SEMA5A: variants seen among roughly 807,000 people sequenced by gnomAD.
SEMA5A encodes the protein semaphorin 5A, also known as semaphorin-5A.
Under a neutral mutation model 135.5 loss-of-function variants are expected in SEMA5A, and 55 were observed. The ratio of observed to expected loss-of-function variants is 0.41; its 90% CI spans 0.33 to 0.51. The LOEUF (loss-of-function observed/expected upper bound fraction) is 0.51, where lower values mean the gene tolerates loss of function less well. Among genes scored for constraint, SEMA5A ranks in the 20% least tolerant of loss-of-function variants. SEMA5A has a pLI of 0.37. For synonymous variants in SEMA5A, 580 were observed against 546.5 expected (o/e 1.06, Z -0.85); for missense variants, 1,290 against 1,419.9 (o/e 0.91, Z 1.47).
chr5:9,300,455 A>G (rs1302481813), intron 5 of SEMA5A, among the ~76,000 whole-genome samples: 1 of 152,224 alleles, frequency 6.6e-6, no homozygotes, highest in Non-Finnish European at 1.5e-5. Flanking sequence ...AAAAGAGGAT[A>G]GTAATTTGGA....
rs564913789 is a variant in SEMA5A, at chr5:9,172,513, A to G, written c.1273+17754T>C. ...ACAATTAATCTTGGTGATCACTTCA[A>G]TACTAAAAATCATAACTTTTTTAAC... On this transcript the variant is annotated intron_variant, in intron 11 of 22. Transcript: ENST00000382496. Among the ~76,000 whole-genome samples, 8 of 152,346 alleles carry G rather than the reference A, an allele frequency of 5.3e-5. No homozygotes were observed. The South Asian group carries it at 1.7e-3, about 32-fold the overall frequency.
At chr5:9,469,518 T>G (rs1420280003) in intron 1 of SEMA5A, among the ~76,000 whole-genome samples, 1 of 152,116 alleles carries the variant, frequency 6.6e-6, no homozygotes, top group Non-Finnish European at 1.5e-5. Context: ...AAGCAAGGTG[T>G]CCCCATTTCA....
At chr5:9,394,157 T>G (rs1756286767) in intron 2 of SEMA5A, among the ~76,000 whole-genome samples, 1 of 152,078 alleles carries the variant, frequency 6.6e-6, no homozygotes, top group East Asian at 1.9e-4. Flanking sequence ...ACAGAGGTAT[T>G]CCCCAGGATC....
intron 1 of SEMA5A, among the ~76,000 whole-genome samples, chr5:9,522,416 C>T (rs1736886179): frequency 5.9e-5 from 9 of 152,042 alleles, no homozygotes. Context: ...AACCCTGTCT[C>T]TACTAAAAAT....
At position 9,039,449 on chromosome 5, in the gene SEMA5A, A is replaced by C. The variant is rs1165902782; in HGVS notation, c.*3448T>G. The C allele has an allele frequency of 6.6e-6, 1 of 152,188 alleles. No homozygotes were observed. The highest frequency in any genetic ancestry group is 2.4e-5 in the African/African-American group (1 of 41,420). 9.4% of individuals were successfully genotyped at this position (152,188 alleles called of 1,614,324 possible). A position where few individuals can be genotyped will look rare whatever the true frequency, so the allele number is the denominator to read the frequency against. ...GTTTCTCCCCAGCAGGGATGCCCTC[A>C]CCCTCATTCAATGTTTATCGTCTCT... is the stretch of plus-strand genomic sequence containing the variant. On this transcript the variant is annotated 3_prime_UTR_variant, in exon 23 of 23. Transcript: ENST00000382496.
intron 3 of SEMA5A, among the ~76,000 whole-genome samples, chr5:9,372,823 G>A (rs1427309016): frequency 4.6e-5 from 7 of 152,244 alleles, no homozygotes; most frequent in African/African-American, 9.6e-5. Context: ...GCCTAGCACA[G>A]AAACATCTCC....
At chr5:9,288,183 A>G (rs1750892712) in intron 5 of SEMA5A, among the ~76,000 whole-genome samples, 1 of 152,260 alleles carries the variant, frequency 6.6e-6, no homozygotes, top group Non-Finnish European at 1.5e-5. Flanking sequence ...CACATAAGAT[A>G]ATTTGAAGAA....
At chr5:9,363,816 G>T (rs1173481168) in intron 3 of SEMA5A, among the ~76,000 whole-genome samples, 1 of 152,186 alleles carries the variant, frequency 6.6e-6, no homozygotes. Flanking sequence ...AGGGTCAGTT[G>T]CTCAGTTGTA....
chr5:9,070,625 A>C (rs1428243280), intron 16 of SEMA5A, among the ~76,000 whole-genome samples: 1 of 152,214 alleles, frequency 6.6e-6, no homozygotes, highest in African/African-American at 2.4e-5. Flanking sequence ...AAGTGTCTGC[A>C]TTGGCATCTG....
intron 5 of SEMA5A, among the ~76,000 whole-genome samples, chr5:9,286,279 G>C (rs1242947209): frequency 2.0e-5 from 3 of 152,038 alleles, no homozygotes; most frequent in Non-Finnish European, 4.4e-5. Flanking sequence ...ATATATAGTT[G>C]GGTTACTTTT....
chr5:9,105,883 T>C (rs992116195), intron 16 of SEMA5A, among the ~76,000 whole-genome samples: 1 of 152,232 alleles, frequency 6.6e-6, no homozygotes, highest in East Asian at 1.9e-4. Flanking sequence ...AAATGTTGCT[T>C]TAGCTAGGTA....
intron 15 of SEMA5A, among the ~76,000 whole-genome samples, chr5:9,118,688 T>G (rs1354908373): frequency 6.6e-6 from 1 of 152,160 alleles, no homozygotes; most frequent in Non-Finnish European, 1.5e-5. Flanking sequence ...GTAAGTCTCC[T>G]GCAGACGTAC....
At chr5:9,286,725 T>TAC (rs10555387) in intron 5 of SEMA5A, among the ~76,000 whole-genome samples, 110 of 151,016 alleles carry the variant, frequency 7.3e-4, no homozygotes, top group East Asian at 2.7e-3. Context: ...TATACACACA[T>TAC]ACACACACAC....
In SEMA5A at chr5:9,506,282, G is replaced by C. The variant is rs1561305864; in HGVS notation, c.-175+39302C>G. Among the ~76,000 whole-genome samples, 4 of 152,284 alleles carry C rather than the reference G, an allele frequency of 2.6e-5. No homozygotes were observed. In the South Asian group the frequency reaches 8.3e-4, roughly 32 times the overall value. On this transcript the variant is annotated intron_variant, in intron 1 of 22. Transcript: ENST00000382496. ...CTAAAGTTGCCCGATTTCTTAGTTT[G>C]TTTATATCTGCATTTAGCTGCTATG...
At chr5:9,233,504 CA>C (rs777733196) in intron 6 of SEMA5A, among the ~76,000 whole-genome samples, 3 of 151,840 alleles carry the variant, frequency 2.0e-5, no homozygotes, top group African/African-American at 4.8e-5. Context: ...CCATTGCAGG[CA>C]AAGGCACTCC....
intron 11 of SEMA5A, among the ~76,000 whole-genome samples, chr5:9,159,357 C>T (rs1743124383): frequency 6.6e-6 from 1 of 152,144 alleles, no homozygotes; most frequent in African/African-American, 2.4e-5. Context: ...GCTTTGATTG[C>T]ATTGTCCTTT....
intron 1 of SEMA5A, among the ~76,000 whole-genome samples, chr5:9,542,358 C>T (rs1233206533): frequency 1.3e-5 from 2 of 152,200 alleles, no homozygotes; most frequent in East Asian, 3.8e-4. Context: ...TTGCTGAGAA[C>T]ATATGTGAAA....
chr5:9,537,474 G>A (rs1015392877), intron 1 of SEMA5A, among the ~76,000 whole-genome samples: 1 of 152,170 alleles, frequency 6.6e-6, no homozygotes, highest in Non-Finnish European at 1.5e-5. Flanking sequence ...AAAGTGGTAT[G>A]AAAGATAAAA....
intron 9 of SEMA5A, among the ~76,000 whole-genome samples, chr5:9,200,540 T>G (rs1230365096): frequency 6.6e-6 from 1 of 152,186 alleles, no homozygotes; most frequent in Non-Finnish European, 1.5e-5. Context: ...AAATTGATTT[T>G]TTAAAGTAAC....
Sources: allele counts gnomAD v4.1 joint callset (sites outside exome capture counted in the v4.1 genomes callset), GRCh38; gene constraint gnomAD v4.1.1; transcripts MANE v1.5; gene names NCBI Gene and HGNC (gene_info 2026-07-23, HGNC 2026-07-21).